Variants in DYSF observed in about 807,000 individuals in gnomAD.
The protein encoded by DYSF is dystrophy-associated fer-1-like 1.
A neutral mutation model predicts 274.9 loss-of-function variants in DYSF; 212 were observed. The observed-to-expected ratio is 0.77, with a 90% CI of 0.69 to 0.86. DYSF has a LOEUF of 0.86. DYSF is among the 40% of genes least tolerant of loss of function. The pLI is 0.00. For synonymous variants in DYSF, 1,091 were observed against 1,078.7 expected (o/e 1.01, Z -0.22); for missense variants, 2,666 against 2,783.2 (o/e 0.96, Z 0.95).
In DYSF at chr2:71,555,991, G is replaced by C. The variant is rs748411317; in HGVS notation, c.2136G>C (p.Leu712=). ...AAGCTGGCCTGGAGCAGGTCCACCT[G>C]GCCCTGAAGGCGCAGTGCTCCACGG... ...RLEAGLEQVH[L]ALKAQCSTED... Residue 712 remains leucine, a synonymous_variant, in exon 22 of 56, where the codon CTG becomes CTC. Coordinates refer to ENST00000410020, the MANE Select transcript of DYSF (RefSeq NM_001130987.2). 1.3e-6 allele frequency: 2 copies of C among 1,569,322 alleles called. No homozygotes were observed. The highest frequency in any genetic ancestry group is 4.6e-5 in the East Asian group (2 of 43,200).
chr2:71,482,886 G>A (rs945422954), intron 3 of DYSF, among the ~76,000 whole-genome samples: 1 of 152,128 alleles, frequency 6.6e-6, no homozygotes, highest in African/African-American at 2.4e-5. Flanking sequence ...TGGGCTTGCT[G>A]TTTTGTGACC....
At chr2:71,534,890 C>T in intron 14 of DYSF, 131 bp from the exon 15 acceptor site, 1 of 905,510 alleles carries the variant, frequency 1.1e-6, no homozygotes, top group South Asian at 1.4e-5. Flanking sequence ...AGGCCCCAAC[C>T]CCAGGGTCTT....
At chr2:71,579,880 T>C (rs1288100602) in intron 30 of DYSF, among the ~76,000 whole-genome samples, 12 of 152,242 alleles carry the variant, frequency 7.9e-5, no homozygotes, top group Admixed American at 7.2e-4. Context: ...CAGGAAGGTC[T>C]GCTGGACAGT....
intron 40 of DYSF, among the ~76,000 whole-genome samples, chr2:71,618,345 A>G (rs1293003692): frequency 1.2e-4 from 1 of 8,326 alleles, no homozygotes; most frequent in African/African-American, 5.7e-4. Context: ...TGTGTGTGGT[A>G]GAGGGGTGTG....
intron 16 of DYSF, among the ~76,000 whole-genome samples, chr2:71,537,334 C>G (rs1573827085): frequency 6.7e-6 from 1 of 148,678 alleles, no homozygotes; most frequent in East Asian, 2.0e-4. Flanking sequence ...CAACCTCTGC[C>G]TCCCAGGTTC....
chr2:71,613,473 C>A, intron 40 of DYSF, 63 bp downstream of exon 40: 2 of 1,343,578 alleles, frequency 1.5e-6, no homozygotes, highest in East Asian at 2.4e-5. Context: ...CATCAATTCC[C>A]ACCCCTTCTC....
intron 41 of DYSF, among the ~76,000 whole-genome samples, chr2:71,624,785 T>C (rs2094177262): frequency 6.6e-6 from 1 of 152,208 alleles, no homozygotes; most frequent in African/African-American, 2.4e-5. Flanking sequence ...TAGAAGATTT[T>C]CAGGAACGCA....
At chr2:71,522,271 C>A (rs2087371458) in intron 12 of DYSF, among the ~76,000 whole-genome samples, 1 of 151,896 alleles carries the variant, frequency 6.6e-6, no homozygotes, top group Admixed American at 6.6e-5. Flanking sequence ...CACTGCATCC[C>A]CCTTTTTCCA....
chr2:71,663,534 C>T (rs2094939381), intron 45 of DYSF, among the ~76,000 whole-genome samples: 1 of 152,206 alleles, frequency 6.6e-6, no homozygotes, highest in Non-Finnish European at 1.5e-5. Context: ...TGGCCCCTGC[C>T]CTCCTTCTCC....
intron 4 of DYSF, among the ~76,000 whole-genome samples, chr2:71,508,774 T>A (rs964028498): frequency 1.3e-5 from 2 of 152,230 alleles, no homozygotes; most frequent in African/African-American, 4.8e-5. Context: ...CTTTCTCATG[T>A]CAGAATTTTG....
rs545256957 is a variant in DYSF at position 71,528,725 on chromosome 2, C to T, written c.1380+324C>T. ...ATAGCATGGAAACCAGACATGAAGGCATAAAGATAGAGAAACTATATTTTA... is the reference window on the plus strand; with the variant it reads ...ATAGCATGGAAACCAGACATGAAGGTATAAAGATAGAGAAACTATATTTTA... On this transcript the variant is annotated intron_variant, in intron 14 of 55. Coordinates refer to ENST00000410020, the MANE Select transcript of DYSF (RefSeq NM_001130987.2). 1.6e-4 allele frequency among the ~76,000 whole-genome samples: 25 copies of T among 152,290 alleles called. No individual in the cohort carries two copies. In the South Asian group the frequency reaches 5.2e-3, roughly 32 times the overall value.
intron 30 of DYSF, among the ~76,000 whole-genome samples, chr2:71,586,701 G>C (rs547130040): frequency 3.9e-5 from 6 of 152,024 alleles, no homozygotes; most frequent in Non-Finnish European, 5.9e-5. Context: ...AGTGAGGGGG[G>C]CCATCTAGAG....
At chr2:71,553,241 G>T (rs537327592) in intron 20 of DYSF, 53 bp downstream of exon 20, 159 of 1,610,582 alleles carry the variant, frequency 9.9e-5, no homozygotes, top group Non-Finnish European at 1.3e-4. Flanking sequence ...AGAGCAGGGG[G>T]CCACACCTTA....
intron 3 of DYSF, among the ~76,000 whole-genome samples, chr2:71,491,749 T>G (rs2083872051): frequency 6.6e-6 from 1 of 152,212 alleles, no homozygotes; most frequent in Non-Finnish European, 1.5e-5. Flanking sequence ...GATCTCATTC[T>G]TTTTCATGGC....
At chr2:71,668,632 G>A (rs2095060969) in intron 48 of DYSF, 122 bp from the exon 49 acceptor site, 14 of 922,730 alleles carry the variant, frequency 1.5e-5, no homozygotes, top group Non-Finnish European at 2.2e-5. Flanking sequence ...GGGCAGTGAG[G>A]CTTTCTCTGG....
intron 14 of DYSF, 80 bp from the exon 15 acceptor site, chr2:71,534,941 C>T: frequency 6.8e-7 from 1 of 1,476,192 alleles, no homozygotes; most frequent in Non-Finnish European, 9.5e-7. Flanking sequence ...AGAGAATGGT[C>T]ACTGGCTGGC....
Position 71,581,361 on chromosome 2 carries a change from G to C in DYSF, c.3402+6990G>C, listed in dbSNP as rs201330047. ...TGGCTCCAGCTGTAAATTAAATGGGGTTGCACTCTCGCCTGCTATTCCACT... is the reference window on the plus strand; with the variant it reads ...TGGCTCCAGCTGTAAATTAAATGGGCTTGCACTCTCGCCTGCTATTCCACT... On this transcript the variant is annotated intron_variant, in intron 30 of 55. Transcript: ENST00000410020. Among the ~76,000 whole-genome samples the C allele has an allele frequency of 3.9e-5, 6 of 152,340 alleles. No homozygotes were observed. The East Asian group carries it at 1.2e-3, about 29-fold the overall frequency.
intron 1 of DYSF, among the ~76,000 whole-genome samples, chr2:71,480,517 G>A (rs942170124): frequency 1.3e-5 from 2 of 151,974 alleles, no homozygotes; most frequent in South Asian, 4.2e-4. Context: ...TCTCACCATC[G>A]CACTCCAGCC....
intron 22 of DYSF, among the ~76,000 whole-genome samples, chr2:71,561,105 G>A (rs13415604): frequency 0.36 from 54,004 of 151,940 alleles, 9,738 homozygotes; most frequent in African/African-American, 0.39. Context: ...CTGACCTCCT[G>A]TCTCTCAGGG....
Sources: allele counts gnomAD v4.1 joint callset (sites outside exome capture counted in the v4.1 genomes callset), GRCh38; gene constraint gnomAD v4.1.1; transcripts MANE v1.5; gene names NCBI Gene and HGNC (gene_info 2026-07-23, HGNC 2026-07-21).